The following PICALM variants were observed in gnomAD, a reference collection of about 807,000 sequenced individuals.
PICALM encodes the protein phosphatidylinositol-binding clathrin assembly protein.
In PICALM, 40 loss-of-function variants were observed where a neutral mutation model predicts 80.5. That is an observed-to-expected ratio of 0.50 (90% confidence interval 0.39 to 0.65). The LOEUF (loss-of-function observed/expected upper bound fraction) is 0.65, where lower values mean the gene tolerates loss of function less well. Ranked by LOEUF, PICALM falls within the 30% of genes least tolerant of loss-of-function variation. The pLI is 0.00. For missense variants in PICALM, 676 were observed against 778.9 expected (o/e 0.87, Z 1.57); for synonymous variants, 288 against 260.3 (o/e 1.11, Z -1.02).
chr11:86,059,152 A>C lies in PICALM; in HGVS notation c.130+9499T>G, dbSNP rs190976717. On this transcript the variant is annotated intron_variant, in intron 1 of 19. Transcript: ENST00000393346. ...CATAGTCACCATAAAAAATATCCTT[A>C]AATGTCTACTGGCATAGATTTTTAT... Among the ~76,000 whole-genome samples, 455 of 152,316 alleles carry C rather than the reference A, an allele frequency of 3.0e-3. 3 individuals are homozygous for C. The highest frequency in any genetic ancestry group is 0.011 in the African/African-American group (437 of 41,558).
chr11:86,036,440 A>C (rs1394742352), intron 1 of PICALM, among the ~76,000 whole-genome samples: 1 of 152,208 alleles, frequency 6.6e-6, no homozygotes, highest in Non-Finnish European at 1.5e-5. Flanking sequence ...ATTAACTCAA[A>C]ACTATGCTCT....
intron 2 of PICALM, among the ~76,000 whole-genome samples, chr11:86,030,807 C>T (rs2095738119): frequency 6.6e-6 from 1 of 152,150 alleles, no homozygotes. Context: ...CCATAAACAA[C>T]TATATGAGAT....
chr11:86,032,986 A>G (rs900072098), intron 1 of PICALM, among the ~76,000 whole-genome samples: 4 of 152,234 alleles, frequency 2.6e-5, no homozygotes, highest in African/African-American at 9.6e-5. Context: ...TGCTTAAAGA[A>G]CAAAGAACAA....
In PICALM at chr11:86,026,281, GT is replaced by G; in HGVS notation, c.349+10del. 1 of 1,471,002 alleles carries G rather than the reference GT, an allele frequency of 6.8e-7. No individual in the cohort carries two copies. The highest frequency in any genetic ancestry group is 9.5e-7 in the Non-Finnish European group (1 of 1,053,956). The allele number at this position is 1,471,002 out of a possible 1,614,324, so 91.1% of individuals were successfully genotyped here. A position where few individuals can be genotyped will look rare whatever the true frequency, so the allele number is the denominator to read the frequency against. On this transcript the variant is annotated intron_variant, in intron 3 of 19. Coordinates refer to ENST00000393346, the MANE Select transcript of PICALM (RefSeq NM_007166.4). ...TCTTTTGATTTTCTATAATGTAAAA[GT>G]TATCTTTACCTTGCAATCCACTTTT...
In PICALM at chr11:86,051,924, C is replaced by G. The variant is rs180920790; in HGVS notation, c.130+16727G>C. 2.6e-5 allele frequency among the ~76,000 whole-genome samples: 4 copies of G among 152,304 alleles called. No homozygotes were observed. The East Asian group carries it at 7.7e-4, about 29-fold the overall frequency. ...TATGTGGAAAATAAAGCCAATAAGACTATCTGATGAATAGGTTTGTATAAA... is the reference window on the plus strand; with the variant it reads ...TATGTGGAAAATAAAGCCAATAAGAGTATCTGATGAATAGGTTTGTATAAA... On this transcript the variant is annotated intron_variant, in intron 1 of 19. Coordinates refer to ENST00000393346, the MANE Select transcript of PICALM (RefSeq NM_007166.4).
chr11:85,967,736 C>A (rs986160918), intron 19 of PICALM, among the ~76,000 whole-genome samples: 5 of 151,990 alleles, frequency 3.3e-5, no homozygotes, highest in African/African-American at 4.8e-5. Context: ...AACCAAAAAA[C>A]AAAACCAAAA....
intron 5 of PICALM, 115 bp downstream of exon 5, chr11:86,014,755 A>G (rs2095453235): frequency 1.8e-6 from 1 of 562,154 alleles, no homozygotes; most frequent in Admixed American, 3.8e-5. Flanking sequence ...ATCCTTAGCC[A>G]TATAGGATAT....
chr11:85,965,482 T>G (rs1015797138), intron 19 of PICALM, among the ~76,000 whole-genome samples: 1 of 152,194 alleles, frequency 6.6e-6, no homozygotes, highest in African/African-American at 2.4e-5. Context: ...TAGGCTGTTT[T>G]GGGGTAATGT....
At chr11:86,045,707 A>G (rs1286727233) in intron 1 of PICALM, among the ~76,000 whole-genome samples, 8 of 152,092 alleles carry the variant, frequency 5.3e-5, no homozygotes, top group Non-Finnish European at 1.2e-4. Context: ...CATTCTATCT[A>G]TGAATGGATA....
intron 19 of PICALM, chr11:85,960,794 CAGAG>C (rs1193152584): frequency 8.7e-7 from 1 of 1,147,648 alleles, no homozygotes; most frequent in East Asian, 4.8e-5. Flanking sequence ...GAAAAGAAGA[CAGAG>C]AGAGGGAAAG....
At chr11:85,979,080 C>A (rs2094362859) in intron 17 of PICALM, among the ~76,000 whole-genome samples, 1 of 152,026 alleles carries the variant, frequency 6.6e-6, no homozygotes, top group African/African-American at 2.4e-5. Flanking sequence ...AAAAAAAAAT[C>A]TTTAGAAGTG....
intron 8 of PICALM, among the ~76,000 whole-genome samples, chr11:86,006,163 T>C (rs757348678): frequency 6.6e-6 from 1 of 152,242 alleles, no homozygotes; most frequent in Non-Finnish European, 1.5e-5. Flanking sequence ...ACTTGTCTCA[T>C]GTTCAACCCA....
chr11:85,961,716 CA>C (rs1351021416), intron 19 of PICALM, among the ~76,000 whole-genome samples: 3 of 152,154 alleles, frequency 2.0e-5, no homozygotes, highest in Non-Finnish European at 4.4e-5. Context: ...AGGACTATTA[CA>C]AAATGAGCTT....
At chr11:85,972,449 A>C (rs2094141007) in intron 19 of PICALM, among the ~76,000 whole-genome samples, 1 of 152,234 alleles carries the variant, frequency 6.6e-6, no homozygotes, top group African/African-American at 2.4e-5. Flanking sequence ...AACCCTTCCA[A>C]GTCTGTCTTC....
intron 17 of PICALM, 95 bp from the exon 18 acceptor site, chr11:85,976,777 T>G: frequency 2.7e-6 from 2 of 732,530 alleles, no homozygotes; most frequent in Non-Finnish European, 2.5e-6. Flanking sequence ...CTAAAAAGAA[T>G]TGCTAAGACA....
chr11:85,978,238 A>C, intron 17 of PICALM: 1 of 684,482 alleles, frequency 1.5e-6, no homozygotes, highest in South Asian at 1.6e-5. Flanking sequence ...CCAGTATCTA[A>C]TGAAAGAACA....
chr11:86,050,076 G>C (rs764256313), intron 1 of PICALM, among the ~76,000 whole-genome samples: 7 of 151,488 alleles, frequency 4.6e-5, no homozygotes, highest in African/African-American at 1.2e-4. Context: ...GTAGTGATGA[G>C]AGCCTATAAT....
chr11:86,013,606 A>G (rs1480504486), intron 5 of PICALM, among the ~76,000 whole-genome samples: 1 of 152,196 alleles, frequency 6.6e-6, no homozygotes, highest in Non-Finnish European at 1.5e-5. Context: ...GATTAGATAA[A>G]TTGTTATTAT....
chr11:86,042,047 A>G (rs1194997643), intron 1 of PICALM, among the ~76,000 whole-genome samples: 1 of 152,182 alleles, frequency 6.6e-6, no homozygotes, highest in Non-Finnish European at 1.5e-5. Flanking sequence ...TTCCGTTGGC[A>G]TTCTGGTAAA....
Sources: allele counts gnomAD v4.1 joint callset (sites outside exome capture counted in the v4.1 genomes callset), GRCh38; gene constraint gnomAD v4.1.1; transcripts MANE v1.5; gene names NCBI Gene and HGNC (gene_info 2026-07-23, HGNC 2026-07-21).